Variants in ARHGAP22 observed in about 807,000 individuals in gnomAD.
ARHGAP22 encodes rho GTPase-activating protein 22.
In ARHGAP22, 48 loss-of-function variants were observed where a neutral mutation model predicts 59.1. The ratio of observed to expected loss-of-function variants is 0.81; its 90% CI spans 0.64 to 1.03. ARHGAP22 has a LOEUF of 1.03. Among genes scored for constraint, ARHGAP22 ranks in the 50% least tolerant of loss-of-function variants. The pLI, the probability that ARHGAP22 is intolerant of heterozygous loss-of-function variation, is 0.00. For missense variants in ARHGAP22, 1,015 were observed against 958.7 expected (o/e 1.06, Z -0.78); for synonymous variants, 445 against 416.4 (o/e 1.07, Z -0.84).
chr10:48,615,353 G>A (rs1441441310), intron 1 of ARHGAP22, among the ~76,000 whole-genome samples: 1 of 151,970 alleles, frequency 6.6e-6, no homozygotes, highest in Non-Finnish European at 1.5e-5. Flanking sequence ...TTAAGCTAAT[G>A]GAACAAAGAC....
At chr10:48,573,758 C>T (rs2058540928) in intron 2 of ARHGAP22, among the ~76,000 whole-genome samples, 1 of 152,204 alleles carries the variant, frequency 6.6e-6, no homozygotes. Context: ...AAGCCACAGC[C>T]TCAAAGGACC....
chr10:48,539,448 C>G (rs1030003341), intron 3 of ARHGAP22, among the ~76,000 whole-genome samples: 1 of 150,856 alleles, frequency 6.6e-6, no homozygotes, highest in Non-Finnish European at 1.5e-5. Flanking sequence ...CCCGCCACTA[C>G]GCCCGGCTAA....
Position 48,453,314 on chromosome 10 carries a change from G to A in ARHGAP22, c.978C>T (p.Thr326=). 4 of 1,613,784 alleles carry A rather than the reference G, an allele frequency of 2.5e-6. No individual in the cohort carries two copies. Among genetic ancestry groups the A allele is most frequent in the Non-Finnish European group, 2.5e-6 (3 of 1,179,878 alleles). ...ACACCTCCCACTTACCTTCCATGAT[G>A]GTTACTGGGTCCTCTACCTGTGGCC... is the stretch of plus-strand genomic sequence containing the variant. ...ILRPQVEDPV[T]IMEGTSLVQH... is the part of the protein sequence containing the mutation. Residue 326 remains threonine, a synonymous_variant, in exon 8 of 10, where the codon ACC becomes ACT. Transcript: ENST00000249601.
chr10:48,471,204 C>T (rs997264771), intron 4 of ARHGAP22, among the ~76,000 whole-genome samples: 4 of 152,154 alleles, frequency 2.6e-5, no homozygotes, highest in Non-Finnish European at 4.4e-5. Flanking sequence ...GAGATTCCCA[C>T]ACAGCCAGGC....
chr10:48,654,810 CTTTCTTTCTTT>C (rs1565068685), upstream of ARHGAP22, among the ~76,000 whole-genome samples: 52 of 129,940 alleles, frequency 4.0e-4, 2 homozygotes, highest in South Asian at 2.8e-3. Context: ...TTCTTTCTTT[CTTTCTTTCTTT>C]CTTTCTTCCT....
At chr10:48,449,975 C>T (rs2045737628) in intron 9 of ARHGAP22, among the ~76,000 whole-genome samples, 1 of 152,248 alleles carries the variant, frequency 6.6e-6, no homozygotes, top group Non-Finnish European at 1.5e-5. Context: ...ACTCTGTTTC[C>T]ACCCCTGCAG....
chr10:48,525,701 C>T (rs2054263467), intron 3 of ARHGAP22, among the ~76,000 whole-genome samples: 1 of 152,212 alleles, frequency 6.6e-6, no homozygotes, highest in Non-Finnish European at 1.5e-5. Flanking sequence ...ATGTAAGACA[C>T]ATACCCATAC....
chr10:48,651,122 A>T (rs1486816628), intron 1 of ARHGAP22, among the ~76,000 whole-genome samples: 1 of 152,206 alleles, frequency 6.6e-6, no homozygotes, highest in Middle Eastern at 3.2e-3. Flanking sequence ...AAATATGCTG[A>T]TATCTTGGAT....
chr10:48,611,264 G>T (rs2060872403), intron 1 of ARHGAP22, among the ~76,000 whole-genome samples: 1 of 152,178 alleles, frequency 6.6e-6, no homozygotes, highest in African/African-American at 2.4e-5. Flanking sequence ...AGCTTACCAG[G>T]TGTGACACCC....
intron 3 of ARHGAP22, among the ~76,000 whole-genome samples, chr10:48,513,332 G>A (rs150112986): frequency 1.3e-3 from 203 of 152,320 alleles, no homozygotes; most frequent in African/African-American, 4.5e-3. Flanking sequence ...CCTGAGCAGC[G>A]CTATGCCATT....
rs1258830710 is a variant in ARHGAP22 at position 48,446,202 on chromosome 10, G to A, written c.*189C>T. 4 of 622,088 alleles carry A rather than the reference G, an allele frequency of 6.4e-6. No individual in the cohort carries two copies. Among genetic ancestry groups the A allele is most frequent in the Non-Finnish European group, 1.1e-5 (4 of 356,410 alleles). The allele number at this position is 622,088 out of a possible 1,614,324, so 38.5% of individuals were successfully genotyped here. The stretch of plus-strand genomic sequence containing the variant: ...CCTCACCAGGAACTGCATGGTTGGA[G>A]CAGCATCTGATCCCACCTGGAGTGT... On this transcript the variant is annotated 3_prime_UTR_variant, in exon 10 of 10. Coordinates refer to ENST00000249601, the MANE Select transcript of ARHGAP22 (RefSeq NM_021226.4).
intron 4 of ARHGAP22, among the ~76,000 whole-genome samples, chr10:48,472,793 T>C (rs1437669019): frequency 6.6e-6 from 1 of 150,856 alleles, no homozygotes; most frequent in Non-Finnish European, 1.5e-5. Context: ...GAGATAACAC[T>C]TCATACCTGT....
In ARHGAP22 at chr10:48,450,447, G is replaced by C; in HGVS notation, c.1682C>G (p.Pro561Arg). Residue 561 changes from proline (P) to arginine (R), a missense_variant, in exon 9 of 10, where the codon CCC becomes CGC. Transcript: ENST00000249601. Reference protein sequence around the residue: ...PSPLPSSSEDPKSLDLDHSMD... With the variant: ...PSPLPSSSEDRKSLDLDHSMD... ...GCTGTGGTCCAGGTCCAGGGACTTG[G>C]GGTCCTCGCTGCTGCTGGGGAGCGG... 1 of 1,555,132 alleles carries C rather than the reference G, an allele frequency of 6.4e-7. No homozygotes were observed. The highest frequency in any genetic ancestry group is 1.4e-5 in the African/African-American group (1 of 73,522).
At chr10:48,652,733 A>T (rs893062044), upstream of ARHGAP22, 1 of 163,812 alleles carries the variant, frequency 6.1e-6, no homozygotes, top group Admixed American at 5.9e-5. Flanking sequence ...AGCCTTAGAA[A>T]TAAGTACAAA....
At position 48,536,444 on chromosome 10, in the gene ARHGAP22, G is replaced by T. The variant is rs370393615; in HGVS notation, c.322+19019C>A. Among the ~76,000 whole-genome samples, 9 of 152,340 alleles carry T rather than the reference G, an allele frequency of 5.9e-5. No homozygotes were observed. In the East Asian group the frequency reaches 1.5e-3, roughly 26 times the overall value. ...GGGCTGAGTTGGCCTCAGATGGCCA[G>T]GTCAGACCCAGCTCTACTGTTGCAT... On this transcript the variant is annotated intron_variant, in intron 3 of 9. Coordinates refer to ENST00000249601, the MANE Select transcript of ARHGAP22 (RefSeq NM_021226.4).
chr10:48,430,684 A>G, the ARHGAP22 span: 1 of 153,572 alleles, frequency 6.5e-6, no homozygotes, highest in Non-Finnish European at 1.4e-5. Flanking sequence ...GTTTTCCTCC[A>G]ATAAAAATGT....
At chr10:48,434,516 A>C in the ARHGAP22 span, among the ~76,000 whole-genome samples, 1 of 152,248 alleles carries the variant, frequency 6.6e-6, no homozygotes, top group Non-Finnish European at 1.5e-5. Flanking sequence ...TGTCCAAAAA[A>C]AGGCATTACA....
At chr10:48,463,340 T>G (rs1193853006) in intron 4 of ARHGAP22, among the ~76,000 whole-genome samples, 2 of 152,144 alleles carry the variant, frequency 1.3e-5, no homozygotes, top group Non-Finnish European at 2.9e-5. Context: ...GGGGCCAGGA[T>G]AAGTAGGAAA....
At position 48,454,137 on chromosome 10, in the gene ARHGAP22, C is replaced by T; in HGVS notation, c.817G>A (p.Val273Met). 1 of 1,614,060 alleles carries T rather than the reference C, an allele frequency of 6.2e-7. No homozygotes were observed. The highest frequency in any genetic ancestry group is 8.5e-7 in the Non-Finnish European group (1 of 1,179,954). ...GEGTLELAKQ[V>M]SNLPQANYNL... ...TAATTTGCCTGAGGAAGGTTGCTCA[C>T]TTGTTTAGCCAACTCCAGAGTGCCC... is the stretch of plus-strand genomic sequence containing the variant. Residue 273 changes from valine to methionine, a missense_variant, in exon 7 of 10, where the codon GTG becomes ATG. Coordinates refer to ENST00000249601, the MANE Select transcript of ARHGAP22 (RefSeq NM_021226.4).
Sources: gnomAD v4.1 joint callset for allele counts (sites outside exome capture counted in the v4.1 genomes callset) on GRCh38, gnomAD v4.1.1 for gene constraint, MANE v1.5 for transcripts, NCBI Gene and HGNC (gene_info 2026-07-23, HGNC 2026-07-21) for gene names.